The following ATP10B variants were observed in gnomAD, a reference collection of about 807,000 sequenced individuals.
ATP10B encodes the protein ATPase phospholipid transporting 10B (putative).
ATP10B carries 122 observed loss-of-function variants against 141.2 expected under a neutral mutation model. The observed-to-expected ratio is 0.86, with a 90% CI of 0.75 to 1.00. ATP10B has a LOEUF of 1.00. Ranked by LOEUF, ATP10B falls within the 50% of genes least tolerant of loss-of-function variation. The probability of loss-of-function intolerance (pLI) is 0.00; values close to 1 mark genes in which losing one functional copy is unlikely to be tolerated. For synonymous variants in ATP10B, 685 were observed against 692.0 expected (o/e 0.99, Z 0.16); for missense variants, 1,876 against 1,825.3 (o/e 1.03, Z -0.51).
rs372668315 is a variant in ATP10B, at chr5:160,589,942, A to G, written c.3646-246T>C. Reference sequence around the variant, plus strand: ...TTGTGAAACCATTGTGGAATGAATGAAGACAGAATTCATTGAGAGCCCATC... The same window carrying G: ...TTGTGAAACCATTGTGGAATGAATGGAGACAGAATTCATTGAGAGCCCATC... On this transcript the variant is annotated intron_variant, in intron 23 of 25. Coordinates refer to ENST00000327245, the MANE Select transcript of ATP10B (RefSeq NM_025153.3). Among the ~76,000 whole-genome samples the G allele has an allele frequency of 9.8e-5, 15 of 152,332 alleles. 1 individual carries two copies. The highest frequency in any genetic ancestry group is 3.4e-4 in the African/African-American group (14 of 41,582).
rs1197863585 is a variant in ATP10B at position 160,563,232 on chromosome 5, T to C, written c.*2221A>G. ...ACTAAGTACAATCATTAGCATTATG[T>C]TATAGGGGAATAGTGGTTATAACTT... On this transcript the variant is annotated 3_prime_UTR_variant, in exon 26 of 26. Transcript: ENST00000327245. 2.0e-5 allele frequency: 3 copies of C among 152,150 alleles called. No homozygotes were observed. The East Asian group carries it at 5.8e-4, about 29-fold the overall frequency. The allele number at this position is 152,150 out of a possible 1,614,324, so 9.4% of individuals were successfully genotyped here. A position where few individuals can be genotyped will look rare whatever the true frequency, so the allele number is the denominator to read the frequency against.
intron 19 of ATP10B, among the ~76,000 whole-genome samples, chr5:160,605,880 C>T (rs890669922): frequency 1.5e-4 from 23 of 152,168 alleles, no homozygotes; most frequent in African/African-American, 5.3e-4. Context: ...AGGAGGCCAT[C>T]ACAGAAGGTA....
chr5:160,856,892 C>A (rs1425160191), upstream of ATP10B, among the ~76,000 whole-genome samples: 1 of 151,692 alleles, frequency 6.6e-6, no homozygotes, highest in African/African-American at 2.4e-5. Flanking sequence ...CAGATCTTGA[C>A]CTAGCTTTGC....
At chr5:160,901,903 C>T in the ATP10B span, among the ~76,000 whole-genome samples, 20 of 152,108 alleles carry the variant, frequency 1.3e-4, no homozygotes, top group Non-Finnish European at 2.2e-4. Context: ...ACTTAACCTC[C>T]CTAGTGACCA....
intron 23 of ATP10B, 59 bp from the exon 24 acceptor site, chr5:160,589,755 GAC>G: frequency 7.8e-7 from 1 of 1,287,670 alleles, no homozygotes. Context: ...CTTTGGCTTT[GAC>G]ACAGTGATTA....
At chr5:160,820,638 C>A (rs1408889062) in intron 1 of ATP10B, among the ~76,000 whole-genome samples, 1 of 151,904 alleles carries the variant, frequency 6.6e-6, no homozygotes, top group Admixed American at 6.6e-5. Context: ...TGAAAAAATC[C>A]TCAACAAAAT....
intron 16 of ATP10B, among the ~76,000 whole-genome samples, chr5:160,616,671 G>A (rs950601290): frequency 1.1e-4 from 16 of 152,158 alleles, no homozygotes; most frequent in African/African-American, 3.6e-4. Context: ...TGCATATGGT[G>A]TCTTATAGCA....
At chr5:160,622,944 C>T (rs1758433743) in intron 13 of ATP10B, among the ~76,000 whole-genome samples, 1 of 152,146 alleles carries the variant, frequency 6.6e-6, no homozygotes, top group Non-Finnish European at 1.5e-5. Context: ...CTATGTATCA[C>T]CTGCACAGTC....
intron 22 of ATP10B, among the ~76,000 whole-genome samples, chr5:160,593,900 A>G (rs1756498459): frequency 6.6e-6 from 1 of 152,254 alleles, no homozygotes; most frequent in Admixed American, 6.5e-5. Context: ...GACCAAATCT[A>G]CGTCTGATTG....
chr5:160,751,679 G>A (rs1262587697), intron 2 of ATP10B, among the ~76,000 whole-genome samples: 1 of 152,114 alleles, frequency 6.6e-6, no homozygotes, highest in East Asian at 1.9e-4. Context: ...TGTCACTGGG[G>A]CCATTTCCTT....
chr5:160,582,511 C>A (rs994559412), intron 24 of ATP10B, among the ~76,000 whole-genome samples: 1 of 152,212 alleles, frequency 6.6e-6, no homozygotes, highest in Non-Finnish European at 1.5e-5. Flanking sequence ...GAGATATCTG[C>A]TGTTAGTCTG....
At chr5:160,722,446 T>C (rs1766057955) in intron 2 of ATP10B, among the ~76,000 whole-genome samples, 1 of 152,208 alleles carries the variant, frequency 6.6e-6, no homozygotes, top group Non-Finnish European at 1.5e-5. Flanking sequence ...CGTGAACAGA[T>C]CATCCATTCC....
chr5:160,696,657 T>G (rs2127756223), intron 3 of ATP10B, among the ~76,000 whole-genome samples: 1 of 152,304 alleles, frequency 6.6e-6, no homozygotes, highest in East Asian at 1.9e-4. Context: ...GTGGCTTACC[T>G]ACTAATGCAG....
At chr5:160,572,068 T>C (rs1226846439) in intron 24 of ATP10B, among the ~76,000 whole-genome samples, 1 of 152,188 alleles carries the variant, frequency 6.6e-6, no homozygotes, top group Admixed American at 6.5e-5. Flanking sequence ...CAAAAGTTCA[T>C]TTTTGGGATA....
intron 24 of ATP10B, among the ~76,000 whole-genome samples, chr5:160,586,189 T>C (rs550263359): frequency 5.9e-5 from 9 of 152,146 alleles, no homozygotes; most frequent in Non-Finnish European, 8.8e-5. Context: ...CCATGTGTTC[T>C]CATTGTTGAA....
At chr5:160,737,606 C>A (rs1767211445) in intron 2 of ATP10B, among the ~76,000 whole-genome samples, 1 of 152,032 alleles carries the variant, frequency 6.6e-6, no homozygotes, top group South Asian at 2.1e-4. Flanking sequence ...TATGACAAAA[C>A]TGAACAATCT....
chr5:160,681,518 C>T (rs765219005), intron 6 of ATP10B, among the ~76,000 whole-genome samples: 19 of 152,192 alleles, frequency 1.2e-4, no homozygotes, highest in Non-Finnish European at 2.1e-4. Context: ...GAAGTGATGG[C>T]ATGCCTGCAA....
In ATP10B at chr5:160,622,474, AGGT is replaced by A; in HGVS notation, c.1729_1731del (p.Thr577del). 1 of 1,614,100 alleles carries A rather than the reference AGGT, an allele frequency of 6.2e-7. No individual in the cohort carries two copies. The highest frequency in any genetic ancestry group is 8.5e-7 in the Non-Finnish European group (1 of 1,180,006). ...GCAAGGAAGAAATCAGCAATGGAGG[AGGT>A]GGTGGAGAGGGAAGCCTTGGCAGGT... On this transcript the variant is annotated inframe_deletion, in exon 14 of 26. Transcript: ENST00000327245.
intron 13 of ATP10B, among the ~76,000 whole-genome samples, chr5:160,631,432 C>A (rs187520959): frequency 2.6e-4 from 39 of 152,280 alleles, no homozygotes; most frequent in African/African-American, 9.1e-4. Context: ...AAGGACAATA[C>A]GCAGAAAGCC....
Sources: allele counts gnomAD v4.1 joint callset (sites outside exome capture counted in the v4.1 genomes callset), GRCh38; gene constraint gnomAD v4.1.1; transcripts MANE v1.5; gene names NCBI Gene and HGNC (gene_info 2026-07-23, HGNC 2026-07-21).